ITGB4: variants seen among roughly 807,000 people sequenced by gnomAD.
ITGB4 encodes the protein integrin subunit beta 4, also known as integrin beta-4.
In ITGB4, 159 loss-of-function variants were observed where a neutral mutation model predicts 207.6. That is an observed-to-expected ratio of 0.77 (90% CI 0.67 to 0.87). The LOEUF is 0.87. Ranked by LOEUF, ITGB4 falls within the 40% of genes least tolerant of loss-of-function variation. ITGB4 has a pLI of 0.00. For synonymous variants in ITGB4, 1,020 were observed against 1,062.7 expected (o/e 0.96, Z 0.78); for missense variants, 2,278 against 2,546.8 (o/e 0.89, Z 2.27).
chr17:75,730,174 C>T, intron 7 of ITGB4, 67 bp from the exon 8 acceptor site: 1 of 1,603,946 alleles, frequency 6.2e-7, no homozygotes, highest in Non-Finnish European at 8.5e-7. Flanking sequence ...CCCCGTCCTA[C>T]ACGACGCCGT....
Position 75,756,700 on chromosome 17 carries a change from C to G in ITGB4, c.4898-4C>G. On this transcript the variant is annotated splice_polypyrimidine_tract_variant and splice_region_variant and intron_variant, in intron 36 of 39. Transcript: ENST00000200181. ...GGCTGATGCTCTTCCTCTACTGCCCCCAGGCTCCGCCTTCACTTTGAGCAC... is the reference window on the plus strand; with the variant it reads ...GGCTGATGCTCTTCCTCTACTGCCCGCAGGCTCCGCCTTCACTTTGAGCAC... The G allele has an allele frequency of 6.2e-7, 1 of 1,613,464 alleles. No homozygotes were observed. Among genetic ancestry groups the G allele is most frequent in the East Asian group, 2.2e-5 (1 of 44,878 alleles).
chr17:75,756,930 C>A lies in ITGB4; in HGVS notation c.5054-13C>A. ...AGGGGGCCGCAGACGCTGAAGGCAT[C>A]TTCCCTGCTCAGGGCCAGCCACCGC... On this transcript the variant is annotated splice_polypyrimidine_tract_variant and intron_variant, in intron 37 of 39. Coordinates refer to ENST00000200181, the MANE Select transcript of ITGB4 (RefSeq NM_000213.5). The A allele has an allele frequency of 6.2e-7, 1 of 1,612,432 alleles. No individual in the cohort carries two copies. The highest frequency in any genetic ancestry group is 8.5e-7 in the Non-Finnish European group (1 of 1,179,880).
intron 32 of ITGB4, among the ~76,000 whole-genome samples, chr17:75,753,334 T>A (rs1238862128): frequency 6.6e-6 from 1 of 152,148 alleles, no homozygotes; most frequent in Non-Finnish European, 1.5e-5. Flanking sequence ...CAGCTGCTTC[T>A]AACACTACCT....
At chr17:75,753,604 C>A (rs2061417277) in intron 32 of ITGB4, among the ~76,000 whole-genome samples, 161 bp from the exon 33 acceptor site, 1 of 152,200 alleles carries the variant, frequency 6.6e-6, no homozygotes, top group South Asian at 2.1e-4. Flanking sequence ...GCGGCCTTCC[C>A]GCTCCGGCCG....
intron 32 of ITGB4, 136 bp from the exon 33 acceptor site, chr17:75,753,629 C>G (rs1774213539): frequency 7.7e-6 from 4 of 522,688 alleles, no homozygotes; most frequent in Non-Finnish European, 1.2e-5. Context: ...CATCTACCCC[C>G]GCCCCCAACA....
intron 26 of ITGB4, among the ~76,000 whole-genome samples, chr17:75,747,420 A>G (rs1464186150): frequency 1.3e-5 from 2 of 152,188 alleles, no homozygotes; most frequent in African/African-American, 4.8e-5. Context: ...TGGAGGTTGC[A>G]GTGAGCCAAG....
Position 75,752,369 on chromosome 17 carries a change from C to A in ITGB4, c.3976+13C>A, listed in dbSNP as rs1231880898. ...AGGCCCATGTCCAGTGAGTGGTGGG[C>A]AGGGAGGTGAGGGGCAGACCGGGCA... is the stretch of plus-strand genomic sequence containing the variant. On this transcript the variant is annotated intron_variant, in intron 31 of 39. Coordinates refer to ENST00000200181, the MANE Select transcript of ITGB4 (RefSeq NM_000213.5). 7.4e-6 allele frequency: 12 copies of A among 1,612,402 alleles called. No individual in the cohort carries two copies. The highest frequency in any genetic ancestry group is 1.6e-4 in the Middle Eastern group (1 of 6,080).
In ITGB4 at chr17:75,757,122, T is replaced by C. The variant is rs748558097; in HGVS notation, c.5218+15T>C. ...CCAGGATGGAGGTAGGCACCTGTCC[T>C]TTCCTTCACCCCCACCCCTCCTCGG... is the stretch of plus-strand genomic sequence containing the variant. On this transcript the variant is annotated intron_variant, in intron 38 of 39. Coordinates refer to ENST00000200181, the MANE Select transcript of ITGB4 (RefSeq NM_000213.5). 41 of 1,612,578 alleles carry C rather than the reference T, an allele frequency of 2.5e-5. No individual in the cohort carries two copies. In the African/African-American group the frequency reaches 5.2e-4, roughly 21 times the overall value.
chr17:75,750,178 C>A lies in ITGB4; in HGVS notation c.3384C>A (p.Gly1128=), dbSNP rs111568842. 1.9e-6 allele frequency: 3 copies of A among 1,613,758 alleles called. No homozygotes were observed. The highest frequency in any genetic ancestry group is 1.3e-5 in the African/African-American group (1 of 74,932). The stretch of plus-strand genomic sequence containing the variant: ...AGCCACCCCCTCACGGCGACCTGGG[C>A]GCCCCGCAGAACCCCAATGCTAAGG... The part of the protein sequence containing the change: ...SSQPPPHGDL[G]APQNPNAKAA... The change falls in exon 28 of 40, where the codon GGC becomes GGA. Residue 1128 remains glycine, a synonymous_variant. Transcript: ENST00000200181. This position sits in a 1 kb window ranked among gnomAD's most constrained non-coding sequence, Gnocchi z 5.5.
At chr17:75,755,202 C>T (rs113971947) in intron 34 of ITGB4, 5 of 1,604,234 alleles carry the variant, frequency 3.1e-6, no homozygotes, top group Non-Finnish European at 4.3e-6. Flanking sequence ...GCAGCGCCCT[C>T]CTGGGGCCCA....
chr17:75,747,168 T>C (rs2061251021), intron 26 of ITGB4, among the ~76,000 whole-genome samples: 1 of 152,062 alleles, frequency 6.6e-6, no homozygotes, highest in African/African-American at 2.4e-5. Flanking sequence ...ACATTGATTA[T>C]ACTAGTACCT....
intron 2 of ITGB4, among the ~76,000 whole-genome samples, chr17:75,726,170 C>T (rs1292676020): frequency 6.6e-6 from 1 of 152,212 alleles, no homozygotes; most frequent in Non-Finnish European, 1.5e-5. Flanking sequence ...AAATAGGGAA[C>T]GGCTGGGTGC....
chr17:75,755,972 C>A lies in ITGB4; in HGVS notation c.4708+122C>A. 1.6e-6 allele frequency: 2 copies of A among 1,239,658 alleles called. 1 individual carries two copies. The highest frequency in any genetic ancestry group is 2.6e-5 in the South Asian group (2 of 77,396). 76.8% of individuals were successfully genotyped at this position (1,239,658 alleles called of 1,614,324 possible). A position where few individuals can be genotyped will look rare whatever the true frequency, so the allele number is the denominator to read the frequency against. Reference sequence around the variant, plus strand: ...CAAGTCCCTTGAGCGCTAAAGCCCCCATCCAGCCTGAGAGGGTCTCCCACC... The same window carrying A: ...CAAGTCCCTTGAGCGCTAAAGCCCCAATCCAGCCTGAGAGGGTCTCCCACC... On this transcript the variant is annotated intron_variant, in intron 35 of 39. Coordinates refer to ENST00000200181, the MANE Select transcript of ITGB4 (RefSeq NM_000213.5).
intron 35 of ITGB4, 96 bp downstream of exon 35, chr17:75,755,946 C>T: frequency 2.8e-6 from 4 of 1,447,320 alleles, no homozygotes; most frequent in South Asian, 1.2e-5. Context: ...AGGAACCCAC[C>T]CAAGTCCCTT....
At chr17:75,741,214 C>G in intron 23 of ITGB4, 1 of 662,032 alleles carries the variant, frequency 1.5e-6, no homozygotes. Context: ...GGCCCCTGGA[C>G]TAGAGCAGGC....
At chr17:75,725,660 C>T (rs1174263613) in intron 2 of ITGB4, among the ~76,000 whole-genome samples, 1 of 152,206 alleles carries the variant, frequency 6.6e-6, no homozygotes, top group Non-Finnish European at 1.5e-5. Flanking sequence ...GCCTGAAGCC[C>T]AGGAGACCTC....
In ITGB4 at chr17:75,740,952, T is replaced by C; in HGVS notation, c.2610-30T>C. 3 of 1,614,028 alleles carry C rather than the reference T, an allele frequency of 1.9e-6. No individual in the cohort carries two copies. The highest frequency in any genetic ancestry group is 2.5e-6 in the Non-Finnish European group (3 of 1,180,014). On this transcript the variant is annotated intron_variant, in intron 22 of 39. Transcript: ENST00000200181. The surrounding 1 kb of genome is among the most constrained non-coding windows in gnomAD (Gnocchi z 5.9). Reference sequence around the variant, plus strand: ...ATCAGGCCTCCACTTCAGGGCTATCTAGCTCACAGCGCCCTCTTTGTCCCC... The same window carrying C: ...ATCAGGCCTCCACTTCAGGGCTATCCAGCTCACAGCGCCCTCTTTGTCCCC...
chr17:75,731,353 C>T lies in ITGB4; in HGVS notation c.1200C>T (p.Ile400=), dbSNP rs1206690333. 2 of 1,612,790 alleles carry T rather than the reference C, an allele frequency of 1.2e-6. No individual in the cohort carries two copies. The highest frequency in any genetic ancestry group is 1.7e-6 in the Non-Finnish European group (2 of 1,179,696). ...AGACGAGGACTGGGTCCTTTCACAT[C>T]CGGCGGGGGGAAGTGGTACGCCTCT... ...FQKTRTGSFH[I]RRGEVGIYQV... Residue 400 remains isoleucine (I), a synonymous_variant, in exon 10 of 40, where the codon ATC becomes ATT. Transcript: ENST00000200181. This position sits in a 1 kb window ranked among gnomAD's most constrained non-coding sequence, Gnocchi z 6.8.
At chr17:75,723,509 G>A (rs1246967534) in intron 1 of ITGB4, among the ~76,000 whole-genome samples, 2 of 152,220 alleles carry the variant, frequency 1.3e-5, no homozygotes, top group African/African-American at 4.8e-5. Flanking sequence ...GAACCCTGCT[G>A]TCCCCACCCT....
Sources: gnomAD v4.1 joint callset for allele counts (sites outside exome capture counted in the v4.1 genomes callset) on GRCh38, gnomAD v4.1.1 for gene constraint, Gnocchi (gnomAD v3.1) non-coding constraint, MANE v1.5 for transcripts, NCBI Gene and HGNC (gene_info 2026-07-23, HGNC 2026-07-21) for gene names.